Variants in CELF4 observed in about 807,000 individuals in gnomAD.
CELF4 encodes the protein CUGBP Elav-like family member 4.
Under a neutral mutation model 59.9 loss-of-function variants are expected in CELF4, and 18 were observed. That is an observed-to-expected ratio of 0.30 (90% CI 0.21 to 0.45). The LOEUF is 0.45. CELF4 is among the 20% of genes least tolerant of loss of function. CELF4 has a pLI of 1.00. For synonymous variants in CELF4, 261 were observed against 267.1 expected, an observed-to-expected ratio of 0.98 and a Z score of 0.22; for missense variants, 456 against 689.0, an observed-to-expected ratio of 0.66 and a Z score of 3.79.
intron 2 of CELF4, among the ~76,000 whole-genome samples, chr18:37,414,220 ATCT>A (rs1406509321): frequency 6.6e-6 from 1 of 151,428 alleles, no homozygotes; most frequent in Non-Finnish European, 1.5e-5. Context: ...CTATCTATCT[ATCT>A]ATCTATCTAT....
At chr18:37,559,196 T>C (rs1005907953) in intron 1 of CELF4, among the ~76,000 whole-genome samples, 1 of 152,038 alleles carries the variant, frequency 6.6e-6, no homozygotes, top group African/African-American at 2.4e-5. Flanking sequence ...ATTTTCTCCT[T>C]TTCTCCTTCA....
chr18:37,316,918 G>A (rs1251856923), intron 3 of CELF4, among the ~76,000 whole-genome samples: 1 of 152,188 alleles, frequency 6.6e-6, no homozygotes, highest in African/African-American at 2.4e-5. Flanking sequence ...CCTCCTGGGA[G>A]TGAGAGGAAT....
chr18:37,433,805 G>T (rs539783357), intron 2 of CELF4, among the ~76,000 whole-genome samples: 2 of 152,200 alleles, frequency 1.3e-5, no homozygotes, highest in African/African-American at 4.8e-5. Context: ...GAAAGGAGAC[G>T]CAGGGAGGTA....
intron 2 of CELF4, among the ~76,000 whole-genome samples, chr18:37,395,478 T>A (rs1331479419): frequency 1.3e-5 from 2 of 152,128 alleles, no homozygotes; most frequent in Non-Finnish European, 2.9e-5. Flanking sequence ...CACTGGAGAT[T>A]TAGGGGAAGG....
In CELF4 at chr18:37,246,455, A is replaced by C. The variant is rs1162922365; in HGVS notation, c.*45-1258T>G. Among the ~76,000 whole-genome samples, 3 of 151,878 alleles carry C rather than the reference A, an allele frequency of 2.0e-5. No homozygotes were observed. The highest frequency in any genetic ancestry group is 7.3e-5 in the African/African-American group (3 of 41,364). ...CTCCCCTCCCCACATTTAATTTAGC[A>C]GAAGTGGTTACAATACAAACCTTAC... On this transcript the variant is annotated intron_variant, in intron 12 of 12. Coordinates refer to ENST00000420428, the MANE Select transcript of CELF4 (RefSeq NM_020180.4). This position sits in a 1 kb window ranked among gnomAD's most constrained non-coding sequence, Gnocchi z 5.3.
At chr18:37,353,814 T>C (rs2098512310) in intron 2 of CELF4, among the ~76,000 whole-genome samples, 2 of 146,510 alleles carry the variant, frequency 1.4e-5, no homozygotes, top group Non-Finnish European at 3.0e-5. Context: ...TAGAGTGCAG[T>C]GGCGTGATCT....
At chr18:37,395,008 C>A (rs1480916473) in intron 2 of CELF4, among the ~76,000 whole-genome samples, 1 of 149,570 alleles carries the variant, frequency 6.7e-6, no homozygotes, top group Non-Finnish European at 1.5e-5. Context: ...CCCACCCCTG[C>A]AGATCCAAGT....
intron 2 of CELF4, among the ~76,000 whole-genome samples, chr18:37,373,940 G>A (rs1435792492): frequency 6.6e-6 from 1 of 152,212 alleles, no homozygotes; most frequent in Non-Finnish European, 1.5e-5. Flanking sequence ...TCAAAGATGT[G>A]CTTTAATCGA....
chr18:37,419,597 C>T (rs148880079), intron 2 of CELF4, among the ~76,000 whole-genome samples: 384 of 152,130 alleles, frequency 2.5e-3, no homozygotes, highest in Middle Eastern at 0.017. Flanking sequence ...GGGAGGGAGG[C>T]GGCCATGTGG....
In CELF4 at chr18:37,246,570, A is replaced by ATTTTGTTTTTGTTT. The variant is rs771808616; in HGVS notation, c.*45-1387_*45-1374dup. Among the ~76,000 whole-genome samples the ATTTTGTTTTTGTTT allele has an allele frequency of 4.5e-4, 68 of 151,868 alleles. No individual in the cohort carries two copies. The highest frequency in any genetic ancestry group is 8.2e-4 in the Non-Finnish European group (56 of 67,968). ...TTTTTATCATTCTGTTACTGTAGAT[A>ATTTTGTTTTTGTTT]TTTTGTTTTTGTTTTTTTGTTTTTG... is the stretch of plus-strand genomic sequence containing the variant. On this transcript the variant is annotated intron_variant, in intron 12 of 12. Coordinates refer to ENST00000420428, the MANE Select transcript of CELF4 (RefSeq NM_020180.4). This position sits in a 1 kb window ranked among gnomAD's most constrained non-coding sequence, Gnocchi z 5.3.
chr18:37,414,503 CTTTTTTTT>C, intron 2 of CELF4, among the ~76,000 whole-genome samples: 1 of 116,060 alleles, frequency 8.6e-6, no homozygotes, highest in South Asian at 2.8e-4. Context: ...CTTTTCTTTT[CTTTTTTTT>C]TTTTTTTTGA....
intron 1 of CELF4, among the ~76,000 whole-genome samples, chr18:37,558,075 C>T (rs1363308569): frequency 6.9e-6 from 1 of 145,224 alleles, no homozygotes; most frequent in South Asian, 2.2e-4. Flanking sequence ...AATCTCCACT[C>T]ATTGCAACCT....
At chr18:37,451,023 C>T (rs1047020967) in intron 2 of CELF4, among the ~76,000 whole-genome samples, 2 of 152,188 alleles carry the variant, frequency 1.3e-5, no homozygotes, top group Admixed American at 1.3e-4. Context: ...CCACATGTTG[C>T]AGTTTCTATC....
intron 2 of CELF4, among the ~76,000 whole-genome samples, chr18:37,332,964 T>C (rs1003466189): frequency 2.0e-5 from 3 of 152,210 alleles, no homozygotes; most frequent in Non-Finnish European, 4.4e-5. Context: ...CCTTGTGGTC[T>C]TAATTAAGAT....
downstream of CELF4, chr18:37,242,979 G>A (rs932641854): frequency 6.6e-6 from 1 of 152,234 alleles, no homozygotes; most frequent in African/African-American, 2.4e-5. Flanking sequence ...CAGTGGGCAA[G>A]CCTTGGGGCT....
intron 2 of CELF4, among the ~76,000 whole-genome samples, chr18:37,422,960 A>T (rs906548220): frequency 2.6e-5 from 4 of 152,170 alleles, no homozygotes; most frequent in Non-Finnish European, 4.4e-5. Context: ...CCTCATTTCC[A>T]AAGCCACTTT....
At chr18:37,436,435 A>G (rs2154600980) in intron 2 of CELF4, among the ~76,000 whole-genome samples, 1 of 152,264 alleles carries the variant, frequency 6.6e-6, no homozygotes, top group South Asian at 2.1e-4. Flanking sequence ...TATCATATTC[A>G]TTACACAGAT....
Position 37,274,402 on chromosome 18 carries a change from G to A in CELF4, c.710C>T (p.Thr237Met), listed in dbSNP as rs759700050. Residue 237 changes from threonine to methionine, a missense_variant, in exon 6 of 13, where the codon ACG becomes ATG. Thr to Met is a moderately conservative substitution (Grantham distance 81). Transcript: ENST00000420428. ...AGCCATCTGCTGCATTCGCCGCATC[G>A]TGCGCTCCTTGTCGGTGTCGGCGAA... ...VKFADTDKER[T>M]MRRMQQMAGQ... 6.2e-7 allele frequency: 1 copy of A among 1,613,550 alleles called. No homozygotes were observed. The highest frequency in any genetic ancestry group is 8.5e-7 in the Non-Finnish European group (1 of 1,179,978).
At chr18:37,279,583 G>A (rs1419166831) in intron 3 of CELF4, among the ~76,000 whole-genome samples, 2 of 152,230 alleles carry the variant, frequency 1.3e-5, no homozygotes, top group African/African-American at 4.8e-5. Context: ...GCCGGACTCT[G>A]TTCCAAGCAT....
Sources: gnomAD v4.1 joint callset for allele counts (sites outside exome capture counted in the v4.1 genomes callset) on GRCh38, gnomAD v4.1.1 for gene constraint, Gnocchi (gnomAD v3.1) non-coding constraint, MANE v1.5 for transcripts, NCBI Gene and HGNC (gene_info 2026-07-23, HGNC 2026-07-21) for gene names.